Variants in ST7L observed in about 807,000 individuals in gnomAD.
ST7L encodes suppressor of tumorigenicity 7 protein-like.
ST7L carries 57 observed loss-of-function variants against 72.5 expected under a neutral mutation model. The ratio of observed to expected loss-of-function variants is 0.79; its 90% CI spans 0.64 to 0.98. The LOEUF (loss-of-function observed/expected upper bound fraction) is 0.98. Ranked by LOEUF, ST7L falls within the 50% of genes least tolerant of loss-of-function variation. The probability of loss-of-function intolerance (pLI) is 0.00; values close to 1 mark genes in which losing one functional copy is unlikely to be tolerated. For missense variants in ST7L, 576 were observed against 672.2 expected (o/e 0.86, Z 1.58); for synonymous variants, 221 against 240.9 (o/e 0.92, Z 0.77).
chr1:112,562,944 T>C (rs950640051), intron 11 of ST7L, among the ~76,000 whole-genome samples: 6 of 152,068 alleles, frequency 3.9e-5, no homozygotes, highest in Non-Finnish European at 5.9e-5. Flanking sequence ...TCTATGTGTT[T>C]AGAAATGCGT....
At chr1:112,591,957 T>C (rs1665782847) in intron 5 of ST7L, among the ~76,000 whole-genome samples, 1 of 152,126 alleles carries the variant, frequency 6.6e-6, no homozygotes, top group South Asian at 2.1e-4. Context: ...ACAGTTCTAC[T>C]TTTATCATTC....
chr1:112,526,315 T>G, intron 14 of ST7L: 1 of 517,548 alleles, frequency 1.9e-6, no homozygotes, highest in Non-Finnish European at 3.3e-6. Context: ...TAAACAACTC[T>G]GGCTCCTAAT....
At chr1:112,600,189 T>G (rs1165774454) in intron 4 of ST7L, among the ~76,000 whole-genome samples, 1 of 152,100 alleles carries the variant, frequency 6.6e-6, no homozygotes, top group Non-Finnish European at 1.5e-5. Context: ...TACAGGTGTC[T>G]TCCTCCACGT....
chr1:112,618,159 A>G, intron 1 of ST7L: 1 of 1,261,654 alleles, frequency 7.9e-7, no homozygotes, highest in South Asian at 1.3e-5. Flanking sequence ...TCACATGGTA[A>G]GGGGACCTGG....
In ST7L at chr1:112,581,982, T is replaced by C. The variant is rs750567738; in HGVS notation, c.1069+10A>G. The C allele has an allele frequency of 4.0e-6, 6 of 1,510,384 alleles. No homozygotes were observed. The highest frequency in any genetic ancestry group is 2.3e-5 in the South Asian group (2 of 88,572). 93.6% of individuals were successfully genotyped at this position (1,510,384 alleles called of 1,614,324 possible). ...ATAACCATGCTATCAACTAAGGGAA[T>C]ATGACTCACCATCATATTTTGCTAG... On this transcript the variant is annotated intron_variant, in intron 9 of 14. Coordinates refer to ENST00000358039, the MANE Select transcript of ST7L (RefSeq NM_017744.5).
chr1:112,541,032 C>T lies in ST7L; in HGVS notation c.1629+919G>A, dbSNP rs573684081. Among the ~76,000 whole-genome samples the T allele has an allele frequency of 2.0e-5, 3 of 152,268 alleles. No homozygotes were observed. In the South Asian group the frequency reaches 6.2e-4, roughly 32 times the overall value. Reference sequence around the variant, plus strand: ...GGGCATGGCGGCTCATGCCTGTAATCCCAGCACTTTGGGAGGCTGAGGCGG... The same window carrying T: ...GGGCATGGCGGCTCATGCCTGTAATTCCAGCACTTTGGGAGGCTGAGGCGG... On this transcript the variant is annotated intron_variant, in intron 14 of 14. Transcript: ENST00000358039.
At chr1:112,575,029 G>A (rs1250124844) in intron 11 of ST7L, among the ~76,000 whole-genome samples, 2 of 152,058 alleles carry the variant, frequency 1.3e-5, no homozygotes, top group East Asian at 3.9e-4. Flanking sequence ...ACAAGGTCAG[G>A]AGATCGAGAC....
intron 5 of ST7L, among the ~76,000 whole-genome samples, chr1:112,592,803 T>C (rs1305925254): frequency 1.3e-5 from 2 of 152,150 alleles, no homozygotes; most frequent in African/African-American, 4.8e-5. Flanking sequence ...ACTAAGTTTT[T>C]TGCTAATACA....
At chr1:112,556,886 T>G in intron 11 of ST7L, among the ~76,000 whole-genome samples, 1 of 143,916 alleles carries the variant, frequency 6.9e-6, no homozygotes, top group South Asian at 2.2e-4. Context: ...GAAAATCACT[T>G]GAACCCGGGA....
rs1013442971 is a variant in ST7L at position 112,574,795 on chromosome 1, T to C, written c.1245+2191A>G. Among the ~76,000 whole-genome samples, 16 of 152,208 alleles carry C rather than the reference T, an allele frequency of 1.1e-4. No individual in the cohort carries two copies. In the East Asian group the frequency reaches 1.7e-3, roughly 17 times the overall value. On this transcript the variant is annotated intron_variant, in intron 11 of 14. Transcript: ENST00000358039. ...CTTTAGGTAGGAAGGGAGGTTGTAA[T>C]GGGAAAGGGCAGTCAGGTAGGCGTC... is the stretch of plus-strand genomic sequence containing the variant.
intron 3 of ST7L, among the ~76,000 whole-genome samples, chr1:112,604,763 C>A (rs1667939720): frequency 8.6e-6 from 1 of 115,834 alleles, no homozygotes; most frequent in African/African-American, 3.4e-5. Flanking sequence ...CATAGTGAGG[C>A]CTTGTCTCTC....
At chr1:112,560,896 G>C (rs1052411876) in intron 11 of ST7L, among the ~76,000 whole-genome samples, 1 of 151,860 alleles carries the variant, frequency 6.6e-6, no homozygotes, top group African/African-American at 2.4e-5. Context: ...CCGGGAGGCA[G>C]GGGTTGCAGT....
chr1:112,597,188 A>G (rs1456001351), intron 5 of ST7L, among the ~76,000 whole-genome samples: 1 of 152,258 alleles, frequency 6.6e-6, no homozygotes, highest in African/African-American at 2.4e-5. Context: ...CAAAATGTTT[A>G]ATTCTATGAC....
At chr1:112,539,264 A>G (rs1402859230) in intron 14 of ST7L, 2 of 152,264 alleles carry the variant, frequency 1.3e-5, no homozygotes, top group African/African-American at 4.8e-5. Context: ...CTCCTACTGC[A>G]TAGAGCAAAC....
At chr1:112,541,662 A>G (rs776313665) in intron 14 of ST7L, 35 of 488,008 alleles carry the variant, frequency 7.2e-5, no homozygotes, top group Non-Finnish European at 8.7e-5. Context: ...AATACCAAAG[A>G]TAGTAACAAA....
chr1:112,529,678 T>A (rs893691109), intron 14 of ST7L: 38 of 148,392 alleles, frequency 2.6e-4, no homozygotes, highest in Middle Eastern at 3.4e-3. Flanking sequence ...AATGCAATTT[T>A]AAAAAATTCA....
intron 11 of ST7L, among the ~76,000 whole-genome samples, chr1:112,573,214 G>A (rs1380382937): frequency 1.3e-5 from 2 of 151,890 alleles, no homozygotes; most frequent in Non-Finnish European, 2.9e-5. Context: ...TGGGTATGGT[G>A]GCGCATGCCT....
chr1:112,537,733 C>T (rs2101320932), intron 14 of ST7L, among the ~76,000 whole-genome samples: 1 of 152,380 alleles, frequency 6.6e-6, no homozygotes, highest in South Asian at 2.1e-4. Flanking sequence ...GCACATTCCA[C>T]ATCTCCAGGG....
intron 9 of ST7L, among the ~76,000 whole-genome samples, chr1:112,580,325 A>G (rs1663887299): frequency 6.6e-6 from 1 of 152,082 alleles, no homozygotes; most frequent in African/African-American, 2.4e-5. Context: ...AATTTTTAAA[A>G]TATTTTTTTT....
Sources: gnomAD v4.1 joint callset for allele counts (sites outside exome capture counted in the v4.1 genomes callset) on GRCh38, gnomAD v4.1.1 for gene constraint, MANE v1.5 for transcripts, NCBI Gene and HGNC (gene_info 2026-07-23, HGNC 2026-07-21) for gene names.